GPR149: variants seen among roughly 807,000 people sequenced by gnomAD.
GPR149 encodes the protein probable G protein-coupled receptor 149.
GPR149 carries 50 observed loss-of-function variants against 50.2 expected under a neutral mutation model. That is an observed-to-expected ratio of 1.00 (90% CI 0.79 to 1.26). GPR149 has a LOEUF of 1.26. GPR149 is among the 50% of genes most tolerant of loss of function. GPR149 has a pLI of 0.00. For synonymous variants in GPR149, 405 were observed against 358.2 expected, an observed-to-expected ratio of 1.13 and a Z score of -1.48; for missense variants, 983 against 895.4, an observed-to-expected ratio of 1.10 and a Z score of -1.25.
intron 3 of GPR149, among the ~76,000 whole-genome samples, chr3:154,400,536 A>G (rs1025928136): frequency 1.3e-5 from 2 of 152,206 alleles, no homozygotes; most frequent in African/African-American, 4.8e-5. Context: ...AAGAACTTTA[A>G]GATAATTTCT....
At chr3:154,374,142 T>TTTTC (rs3069043) in intron 3 of GPR149, among the ~76,000 whole-genome samples, 127,937 of 136,988 alleles carry the variant, frequency 0.93, 59,841 homozygotes, top group East Asian at 1. Flanking sequence ...TTTCCTTCTA[T>TTTTC]TTTCTTTCTT....
intron 3 of GPR149, among the ~76,000 whole-genome samples, chr3:154,411,095 T>C (rs1271211558): frequency 6.6e-6 from 1 of 152,122 alleles, no homozygotes; most frequent in Non-Finnish European, 1.5e-5. Flanking sequence ...GAATGACTAT[T>C]GGGTCAAAAA....
intron 3 of GPR149, among the ~76,000 whole-genome samples, chr3:154,398,703 T>C (rs1258840601): frequency 6.6e-6 from 1 of 152,174 alleles, no homozygotes; most frequent in Non-Finnish European, 1.5e-5. Context: ...ACTATTTCCA[T>C]ATGTGCTCTT....
intron 3 of GPR149, among the ~76,000 whole-genome samples, chr3:154,370,877 T>G (rs1714649490): frequency 6.6e-6 from 1 of 152,226 alleles, no homozygotes; most frequent in Non-Finnish European, 1.5e-5. Context: ...TTTCTTGTTA[T>G]GCCCAAAAGT....
At chr3:154,374,639 G>A (rs1714749916) in intron 3 of GPR149, among the ~76,000 whole-genome samples, 1 of 152,168 alleles carries the variant, frequency 6.6e-6, no homozygotes, top group South Asian at 2.1e-4. Flanking sequence ...CAAAGAAGAG[G>A]AACATTGGCA....
intron 3 of GPR149, among the ~76,000 whole-genome samples, chr3:154,359,137 A>G (rs1264286965): frequency 2.0e-5 from 3 of 152,204 alleles, no homozygotes; most frequent in Admixed American, 2.0e-4. Flanking sequence ...GTGCAAAATA[A>G]GGGACATTCT....
chr3:154,368,454 A>G (rs1714592303), intron 3 of GPR149, among the ~76,000 whole-genome samples: 1 of 152,206 alleles, frequency 6.6e-6, no homozygotes, highest in South Asian at 2.1e-4. Flanking sequence ...GGACAATTTA[A>G]AGACAGGCCT....
At chr3:154,401,142 T>C (rs1030689068) in intron 3 of GPR149, among the ~76,000 whole-genome samples, 1 of 152,214 alleles carries the variant, frequency 6.6e-6, no homozygotes, top group Admixed American at 6.5e-5. Context: ...TCTCTTTTAA[T>C]TCCTATAACT....
chr3:154,407,691 T>TACACACACACACACAC (rs1225672801), intron 3 of GPR149, among the ~76,000 whole-genome samples: 2 of 12,784 alleles, frequency 1.6e-4, no homozygotes, highest in African/African-American at 4.4e-4. Flanking sequence ...ATGTCATGTG[T>TACACACACACACACAC]ATACACACAC....
intron 3 of GPR149, among the ~76,000 whole-genome samples, chr3:154,389,022 G>T (rs1054895830): frequency 3.3e-5 from 5 of 152,054 alleles, no homozygotes; most frequent in African/African-American, 1.2e-4. Flanking sequence ...TAAATCACTT[G>T]TAGGAAAATA....
In GPR149 at chr3:154,385,544, C is replaced by T. The variant is rs1715026368; in HGVS notation, c.1623+35495G>A. On this transcript the variant is annotated intron_variant, in intron 3 of 3. Transcript: ENST00000389740. ...GTAGGATGTTGATTAGGCTTTTTAC[C>T]AGCTGTGTGATTTTAAGGAAACTCT... is the stretch of plus-strand genomic sequence containing the variant. 3.3e-5 allele frequency among the ~76,000 whole-genome samples: 5 copies of T among 152,138 alleles called. No homozygotes were observed. In the East Asian group the frequency reaches 9.7e-4, roughly 29 times the overall value.
intron 3 of GPR149, among the ~76,000 whole-genome samples, chr3:154,373,188 G>A (rs1397364690): frequency 1.3e-5 from 2 of 152,106 alleles, no homozygotes; most frequent in Admixed American, 6.6e-5. Context: ...GAGAAAAAGT[G>A]GGCCAAAGAG....
At chr3:154,396,806 A>C (rs368881070) in intron 3 of GPR149, among the ~76,000 whole-genome samples, 1 of 151,768 alleles carries the variant, frequency 6.6e-6, no homozygotes, top group Non-Finnish European at 1.5e-5. Flanking sequence ...AGACTATCAG[A>C]CTGGAGTAGT....
At chr3:154,419,947 C>T (rs1158145420) in intron 3 of GPR149, among the ~76,000 whole-genome samples, 1 of 152,016 alleles carries the variant, frequency 6.6e-6, no homozygotes, top group East Asian at 1.9e-4. Context: ...AAACTCTAAA[C>T]ATATGCACAA....
At chr3:154,411,097 G>T (rs953400607) in intron 3 of GPR149, among the ~76,000 whole-genome samples, 2 of 152,006 alleles carry the variant, frequency 1.3e-5, no homozygotes, top group African/African-American at 2.4e-5. Context: ...ATGACTATTG[G>T]GTCAAAAATG....
intron 3 of GPR149, among the ~76,000 whole-genome samples, chr3:154,339,829 G>A (rs535992236): frequency 2.1e-4 from 23 of 107,166 alleles, no homozygotes; most frequent in Admixed American, 6.1e-4. Flanking sequence ...TCCCTCTGTC[G>A]CCCAGGCTGG....
At chr3:154,339,160 C>T (rs1713724548) in intron 3 of GPR149, among the ~76,000 whole-genome samples, 2 of 152,088 alleles carry the variant, frequency 1.3e-5, no homozygotes, top group Admixed American at 1.3e-4. Flanking sequence ...ACTGAGTTTC[C>T]AACCCAGCAT....
At chr3:154,364,238 A>G (rs1714480177) in intron 3 of GPR149, among the ~76,000 whole-genome samples, 1 of 152,214 alleles carries the variant, frequency 6.6e-6, no homozygotes, top group African/African-American at 2.4e-5. Context: ...TTCAAAAGTC[A>G]TACTTCTTAA....
In GPR149 at chr3:154,429,123, A is replaced by T. The variant is rs913605460; in HGVS notation, c.493T>A (p.Ser165Thr). ...CCCCAGCCGCACAGCGGGAGCGCCG[A>T]GAGCAGCAGACTGGCTGCCCACACG... is the stretch of plus-strand genomic sequence containing the variant. ...LTVWAASLLL[S>T]ALPLCGWGAF... Residue 165 changes from serine (S) to threonine (T), a missense_variant, in exon 1 of 4, where the codon TCG becomes ACG. Coordinates refer to ENST00000389740, the MANE Select transcript of GPR149 (RefSeq NM_001038705.3). 5.0e-6 allele frequency: 8 copies of T among 1,613,636 alleles called. No individual in the cohort carries two copies. Among genetic ancestry groups the T allele is most frequent in the Non-Finnish European group, 6.8e-6 (8 of 1,179,926 alleles).
Sources: allele counts gnomAD v4.1 joint callset (sites outside exome capture counted in the v4.1 genomes callset), GRCh38; gene constraint gnomAD v4.1.1; transcripts MANE v1.5; gene names NCBI Gene and HGNC (gene_info 2026-07-23, HGNC 2026-07-21).